KDM4C: variants seen among roughly 807,000 people sequenced by gnomAD.
KDM4C encodes lysine-specific demethylase 4C.
KDM4C carries 81 observed loss-of-function variants against 129.3 expected under a neutral mutation model. The ratio of observed to expected loss-of-function variants is 0.63; its 90% CI spans 0.52 to 0.75. KDM4C has a LOEUF of 0.75. Among genes scored for constraint, KDM4C ranks in the 30% least tolerant of loss-of-function variants. The probability of loss-of-function intolerance (pLI) is 0.00; values close to 1 mark genes in which losing one functional copy is unlikely to be tolerated. For missense variants in KDM4C, 1,457 were observed against 1,304.0 expected, an observed-to-expected ratio of 1.12 and a Z score of -1.81; for synonymous variants, 573 against 456.1, an observed-to-expected ratio of 1.26 and a Z score of -3.26.
At chr9:6,972,240 GGT>G (rs143716730) in intron 8 of KDM4C, among the ~76,000 whole-genome samples, 13 of 150,138 alleles carry the variant, frequency 8.7e-5, no homozygotes, top group South Asian at 2.1e-4. Flanking sequence ...TGAAAATAGG[GGT>G]GTGTGTGTGT....
intron 8 of KDM4C, among the ~76,000 whole-genome samples, chr9:6,965,801 T>A (rs1830863044): frequency 6.6e-6 from 1 of 152,168 alleles, no homozygotes; most frequent in African/African-American, 2.4e-5. Flanking sequence ...CTTTACTCAC[T>A]CTACTGATTC....
intron 19 of KDM4C, among the ~76,000 whole-genome samples, chr9:7,141,168 T>C (rs902263046): frequency 6.6e-6 from 1 of 152,254 alleles, no homozygotes; most frequent in African/African-American, 2.4e-5. Flanking sequence ...TGAAAAAGAA[T>C]TGGAAAGTCC....
In KDM4C at chr9:7,125,756, A is replaced by G. The variant is rs112355722; in HGVS notation, c.2611-2310A>G. On this transcript the variant is annotated intron_variant, in intron 18 of 21. Transcript: ENST00000381309. Reference sequence around the variant, plus strand: ...TCCCTGCTTTCTGTAGGTACAGATGACATGTCAGGCTAATTTTGGTCCCTT... The same window carrying G: ...TCCCTGCTTTCTGTAGGTACAGATGGCATGTCAGGCTAATTTTGGTCCCTT... 7.7e-3 allele frequency among the ~76,000 whole-genome samples: 1,176 copies of G among 152,316 alleles called. 11 individuals are homozygous for G. Among genetic ancestry groups the G allele is most frequent in the Non-Finnish European group, 0.013 (884 of 68,012 alleles).
intron 1 of KDM4C, among the ~76,000 whole-genome samples, chr9:6,721,749 C>T (rs774899227): frequency 4.6e-5 from 7 of 151,872 alleles, no homozygotes; most frequent in East Asian, 1.9e-4. Context: ...CCGCCACGCC[C>T]GGCTAATTTT....
chr9:7,069,369 A>G (rs1029882539), intron 17 of KDM4C, among the ~76,000 whole-genome samples: 7 of 152,174 alleles, frequency 4.6e-5, no homozygotes, highest in African/African-American at 1.7e-4. Context: ...AAGTTTATAC[A>G]TGTTTATTTA....
intron 8 of KDM4C, among the ~76,000 whole-genome samples, chr9:6,963,899 A>G (rs1329507264): frequency 6.6e-6 from 1 of 152,150 alleles, no homozygotes; most frequent in Non-Finnish European, 1.5e-5. Flanking sequence ...TTTTTTAGCT[A>G]TTCCTAGATT....
At chr9:6,962,238 A>G (rs1830164065) in intron 8 of KDM4C, among the ~76,000 whole-genome samples, 1 of 152,270 alleles carries the variant, frequency 6.6e-6, no homozygotes, top group African/African-American at 2.4e-5. Context: ...CACAGCATAC[A>G]TTATAGCTTA....
intron 15 of KDM4C, among the ~76,000 whole-genome samples, chr9:7,028,342 A>C (rs1473400460): frequency 6.6e-6 from 1 of 151,876 alleles, no homozygotes; most frequent in Non-Finnish European, 1.5e-5. Context: ...GTTTCAAGGC[A>C]GTGAGTTCCC....
At chr9:6,825,454 T>C (rs916196448) in intron 4 of KDM4C, among the ~76,000 whole-genome samples, 1 of 152,204 alleles carries the variant, frequency 6.6e-6, no homozygotes, top group Non-Finnish European at 1.5e-5. Context: ...GCAAGGTAAC[T>C]GTGTTCTATC....
intron 5 of KDM4C, among the ~76,000 whole-genome samples, chr9:6,861,869 C>G (rs1840996810): frequency 6.6e-6 from 1 of 150,410 alleles, no homozygotes; most frequent in African/African-American, 2.5e-5. Flanking sequence ...CCTCCCAGGT[C>G]CAAGCGATTC....
intron 12 of KDM4C, among the ~76,000 whole-genome samples, chr9:6,992,183 G>A (rs949353184): frequency 6.6e-6 from 1 of 152,118 alleles, no homozygotes; most frequent in Non-Finnish European, 1.5e-5. Flanking sequence ...TTTGTGAAGG[G>A]AATAGGCTAT....
intron 4 of KDM4C, among the ~76,000 whole-genome samples, chr9:6,844,185 A>G (rs1339284516): frequency 1.3e-5 from 2 of 152,152 alleles, no homozygotes; most frequent in African/African-American, 4.8e-5. Context: ...TTATAGTTTT[A>G]TAACGTTGGA....
At chr9:6,973,601 C>T (rs942808449) in intron 8 of KDM4C, among the ~76,000 whole-genome samples, 1 of 152,052 alleles carries the variant, frequency 6.6e-6, no homozygotes, top group African/African-American at 2.4e-5. Flanking sequence ...AATATGGTAA[C>T]CTAGAATTTA....
At chr9:7,027,455 C>T (rs1009208583) in intron 15 of KDM4C, among the ~76,000 whole-genome samples, 4 of 152,164 alleles carry the variant, frequency 2.6e-5, no homozygotes, top group Admixed American at 6.5e-5. Context: ...TCTGTTTGTT[C>T]TGAGCCATGT....
Position 6,984,233 on chromosome 9 carries a change from G to C in KDM4C, c.1183G>C (p.Val395Leu). 2 of 1,613,956 alleles carry C rather than the reference G, an allele frequency of 1.2e-6. No individual in the cohort carries two copies. The highest frequency in any genetic ancestry group is 3.3e-4 in the Middle Eastern group (2 of 6,062). Residue 395 changes from valine to leucine, a missense_variant, in exon 10 of 22, where the codon GTC becomes CTC. Physicochemically the swap from Val to Leu is conservative, Grantham distance 32. Coordinates refer to ENST00000381309, the MANE Select transcript of KDM4C (RefSeq NM_015061.6). The part of the protein sequence containing the change: ...ADEEEEVSDE[V>L]DGAEVPNPDS... ...TGAGGAAGAGGAAGTGTCAGATGAA[G>C]TCGATGGGGCAGAGGTCCCTAACCC... is the stretch of plus-strand genomic sequence containing the variant.
At chr9:6,964,155 A>G (rs777123097) in intron 8 of KDM4C, among the ~76,000 whole-genome samples, 3 of 152,192 alleles carry the variant, frequency 2.0e-5, no homozygotes, top group Admixed American at 6.5e-5. Flanking sequence ...TTTGTTACAC[A>G]TGTATACATA....
intron 8 of KDM4C, among the ~76,000 whole-genome samples, chr9:6,970,625 G>T (rs1449279308): frequency 6.6e-6 from 1 of 152,166 alleles, no homozygotes; most frequent in East Asian, 1.9e-4. Flanking sequence ...TTAGTCTTGG[G>T]CCAGAGATTA....
intron 16 of KDM4C, among the ~76,000 whole-genome samples, chr9:7,048,214 A>G (rs993244305): frequency 6.6e-6 from 1 of 152,040 alleles, no homozygotes; most frequent in African/African-American, 2.4e-5. Flanking sequence ...TTGGACCACA[A>G]CAAAAAGAAA....
intron 15 of KDM4C, among the ~76,000 whole-genome samples, chr9:7,043,194 A>T (rs1188845399): frequency 6.6e-6 from 1 of 152,028 alleles, no homozygotes; most frequent in East Asian, 1.9e-4. Context: ...CGTGGAATGC[A>T]TTAGGCTTTC....
Sources: gnomAD v4.1 joint callset for allele counts (sites outside exome capture counted in the v4.1 genomes callset) on GRCh38, gnomAD v4.1.1 for gene constraint, MANE v1.5 for transcripts, NCBI Gene and HGNC (gene_info 2026-07-23, HGNC 2026-07-21) for gene names.